Variants in BRINP3 observed in about 807,000 individuals in gnomAD.
BRINP3 encodes the protein BMP/retinoic acid-inducible neural-specific protein 3.
In BRINP3, 19 loss-of-function variants were observed where a neutral mutation model predicts 71.0. The observed-to-expected ratio is 0.27, with a 90% CI of 0.19 to 0.39. The LOEUF (loss-of-function observed/expected upper bound fraction) is 0.39, where lower values mean the gene tolerates loss of function less well. Ranked by LOEUF, BRINP3 falls within the 10% of genes least tolerant of loss-of-function variation. The probability of loss-of-function intolerance (pLI) is 1.00; values close to 1 mark genes in which losing one functional copy is unlikely to be tolerated. For missense variants in BRINP3, 959 were observed against 940.8 expected (o/e 1.02, Z -0.25); for synonymous variants, 380 against 337.7 (o/e 1.13, Z -1.37).
intron 7 of BRINP3, among the ~76,000 whole-genome samples, chr1:190,099,394 C>G (rs886589108): frequency 1.3e-5 from 2 of 152,050 alleles, no homozygotes; most frequent in African/African-American, 4.8e-5. Flanking sequence ...TTGGTCTGAA[C>G]TGCAATACAT....
chr1:190,361,720 T>A (rs544419981), intron 2 of BRINP3, among the ~76,000 whole-genome samples: 1 of 152,242 alleles, frequency 6.6e-6, no homozygotes, highest in African/African-American at 2.4e-5. Context: ...GTTTTTATAA[T>A]AATAATATTC....
chr1:190,389,315 A>C (rs1360661455), intron 2 of BRINP3, among the ~76,000 whole-genome samples: 10 of 151,752 alleles, frequency 6.6e-5, no homozygotes, highest in African/African-American at 4.8e-5. Context: ...CTCTTAGTAG[A>C]ATCCTAATTT....
intron 7 of BRINP3, among the ~76,000 whole-genome samples, chr1:190,122,553 C>T (rs1206247196): frequency 8.4e-6 from 1 of 119,520 alleles, no homozygotes; most frequent in Non-Finnish European, 1.6e-5. Flanking sequence ...GGCTTTCTCC[C>T]TAGAACCTTC....
chr1:190,349,925 G>A (rs576631567), intron 2 of BRINP3, among the ~76,000 whole-genome samples: 66 of 152,206 alleles, frequency 4.3e-4, no homozygotes, highest in African/African-American at 1.5e-3. Flanking sequence ...GTGTGTGGAC[G>A]AGAAAATGCT....
At chr1:190,173,931 T>C (rs2488478) in intron 6 of BRINP3, among the ~76,000 whole-genome samples, 2 of 151,958 alleles carry the variant, frequency 1.3e-5, no homozygotes, top group East Asian at 1.9e-4. Flanking sequence ...ACCATGTAGA[T>C]TCTAGACCTG....
chr1:190,107,634 T>C (rs988916385), intron 7 of BRINP3, among the ~76,000 whole-genome samples: 11 of 151,964 alleles, frequency 7.2e-5, no homozygotes, highest in African/African-American at 2.2e-4. Flanking sequence ...AGTATCTGTG[T>C]TTGTCTATAT....
At chr1:190,344,274 G>C (rs1263670566) in intron 2 of BRINP3, among the ~76,000 whole-genome samples, 1 of 151,722 alleles carries the variant, frequency 6.6e-6, no homozygotes, top group Non-Finnish European at 1.5e-5. Flanking sequence ...CTTTGAGTCT[G>C]TTACTTCAAT....
chr1:190,251,572 A>C (rs888314647), intron 4 of BRINP3, among the ~76,000 whole-genome samples: 1 of 151,946 alleles, frequency 6.6e-6, no homozygotes, highest in African/African-American at 2.4e-5. Flanking sequence ...GTATGTACAA[A>C]TTGTGTAGAG....
chr1:190,382,990 G>C (rs1454428114), intron 2 of BRINP3, among the ~76,000 whole-genome samples: 1 of 152,128 alleles, frequency 6.6e-6, no homozygotes, highest in Non-Finnish European at 1.5e-5. Context: ...TGACAGCTCA[G>C]AATAGATACA....
chr1:190,242,709 C>T (rs1659223803), intron 4 of BRINP3, among the ~76,000 whole-genome samples: 1 of 151,854 alleles, frequency 6.6e-6, no homozygotes, highest in Non-Finnish European at 1.5e-5. Flanking sequence ...ATACTCGAAA[C>T]ATAAGGATCG....
chr1:190,209,139 A>G (rs1655771461), intron 6 of BRINP3, among the ~76,000 whole-genome samples: 1 of 152,126 alleles, frequency 6.6e-6, no homozygotes. Flanking sequence ...AATTATAATC[A>G]CCAATCTGTT....
chr1:190,410,782 T>A (rs1672614216), intron 2 of BRINP3, among the ~76,000 whole-genome samples: 1 of 152,104 alleles, frequency 6.6e-6, no homozygotes, highest in Non-Finnish European at 1.5e-5. Flanking sequence ...GGACATTGAA[T>A]ACAGTAAGAG....
chr1:190,470,369 T>C (rs1481483506), intron 1 of BRINP3, among the ~76,000 whole-genome samples: 1 of 151,090 alleles, frequency 6.6e-6, no homozygotes, highest in African/African-American at 2.4e-5. Flanking sequence ...GTAATGTTCA[T>C]GTATTTATTA....
rs1056688894 is a variant in BRINP3, at chr1:190,285,082, C to A, written c.237-3332G>T. Among the ~76,000 whole-genome samples the A allele has an allele frequency of 7.9e-5, 12 of 152,132 alleles. No individual in the cohort carries two copies. In the East Asian group the frequency reaches 2.1e-3, roughly 27 times the overall value. On this transcript the variant is annotated intron_variant, in intron 2 of 7. Transcript: ENST00000367462. ...CCTCTCCACATTTGGTTTGTACTGT[C>A]GTGAAATATGATCACTGTTATAATC...
chr1:190,406,411 AGCCT>A (rs1440273832), intron 2 of BRINP3, among the ~76,000 whole-genome samples: 1 of 152,204 alleles, frequency 6.6e-6, no homozygotes, highest in Non-Finnish European at 1.5e-5. Flanking sequence ...CTATTTCTAG[AGCCT>A]ATATTTTCGT....
rs181122774 is a variant in BRINP3 at position 190,370,217 on chromosome 1, A to C, written c.236+84438T>G. ...TTTGTAAGCTGGTTCTTTAAGAATA[A>C]ATAAGTCAATTAGATAAAACATTGT... On this transcript the variant is annotated intron_variant, in intron 2 of 7. Transcript: ENST00000367462. Among the ~76,000 whole-genome samples the C allele has an allele frequency of 3.5e-3, 532 of 152,326 alleles. 6 individuals carry two copies. Among genetic ancestry groups the C allele is most frequent in the Non-Finnish European group, 2.2e-3 (153 of 68,028 alleles).
intron 2 of BRINP3, among the ~76,000 whole-genome samples, chr1:190,289,923 A>AT (rs1268155252): frequency 2.6e-5 from 4 of 151,852 alleles, no homozygotes; most frequent in Non-Finnish European, 5.9e-5. Flanking sequence ...GATGTGAATT[A>AT]TTTTTTCTTA....
intron 2 of BRINP3, among the ~76,000 whole-genome samples, chr1:190,413,898 GA>G (rs929552172): frequency 9.2e-5 from 14 of 151,884 alleles, no homozygotes; most frequent in South Asian, 4.2e-4. Context: ...TAAAACCACT[GA>G]AAAAAAATGT....
At chr1:190,384,124 T>A (rs1171340) in intron 2 of BRINP3, among the ~76,000 whole-genome samples, 82,042 of 151,042 alleles carry the variant, frequency 0.54, 23,425 homozygotes, top group Middle Eastern at 0.63. Flanking sequence ...ATTTTAATAA[T>A]GAGATAATAT....
Sources: allele counts gnomAD v4.1 joint callset (sites outside exome capture counted in the v4.1 genomes callset), GRCh38; gene constraint gnomAD v4.1.1; transcripts MANE v1.5; gene names NCBI Gene and HGNC (gene_info 2026-07-23, HGNC 2026-07-21).